Variants in P2RX5 observed in about 807,000 individuals in gnomAD.
The protein encoded by P2RX5 is purinergic receptor P2X 5.
P2RX5 carries 46 observed loss-of-function variants against 54.1 expected under a neutral mutation model. The ratio of observed to expected loss-of-function variants is 0.85; its 90% confidence interval spans 0.67 to 1.09. P2RX5 has a LOEUF of 1.09. Among genes scored for constraint, P2RX5 ranks in the 50% least tolerant of loss-of-function variants. The probability of loss-of-function intolerance (pLI) is 0.00; values close to 1 mark genes in which losing one functional copy is unlikely to be tolerated. For synonymous variants in P2RX5, 226 were observed against 226.4 expected, an observed-to-expected ratio of 1.00 and a Z score of 0.02; for missense variants, 566 against 549.8, an observed-to-expected ratio of 1.03 and a Z score of -0.29.
chr17:3,711,370 C>CTT, the P2RX5 span, among the ~76,000 whole-genome samples: 1,544 of 62,990 alleles, frequency 0.025, 351 homozygotes, highest in East Asian at 0.044. Context: ...AGCACTCATT[C>CTT]TTTTTTTTTT....
the P2RX5 span, chr17:3,714,767 G>T: frequency 3.8e-6 from 3 of 788,576 alleles, no homozygotes; most frequent in Non-Finnish European, 6.5e-6. Context: ...AGATCATCCT[G>T]AAGGAAAAAG....
intron 11 of P2RX5, chr17:3,676,519 T>C (rs962552306): frequency 1.5e-5 from 15 of 985,194 alleles, no homozygotes; most frequent in African/African-American, 7.0e-5. Context: ...CAGCTGAGCA[T>C]ACTGCTGCTT....
chr17:3,711,370 C>CTTTT, the P2RX5 span, among the ~76,000 whole-genome samples: 326 of 63,114 alleles, frequency 5.2e-3, 38 homozygotes, highest in East Asian at 6.0e-3. Context: ...AGCACTCATT[C>CTTTT]TTTTTTTTTT....
chr17:3,719,128 C>T, the P2RX5 span, among the ~76,000 whole-genome samples: 4 of 149,600 alleles, frequency 2.7e-5, no homozygotes, highest in South Asian at 8.5e-4. Context: ...CCCAGCTACT[C>T]GGGAGGCTGA....
At chr17:3,723,244 G>T in the P2RX5 span, 3 of 1,269,442 alleles carry the variant, frequency 2.4e-6, no homozygotes, top group South Asian at 2.4e-5. Flanking sequence ...CGATGCCCGT[G>T]AGCAACTGGA....
chr17:3,712,425 A>T, the P2RX5 span, among the ~76,000 whole-genome samples: 1 of 152,192 alleles, frequency 6.6e-6, no homozygotes, highest in African/African-American at 2.4e-5. Context: ...AAGGCAGAGC[A>T]GCCGGGGCTG....
chr17:3,704,550 G>A, the P2RX5 span, among the ~76,000 whole-genome samples: 77,179 of 152,152 alleles, frequency 0.51, 21,516 homozygotes, highest in South Asian at 0.69. Context: ...CCTCTCTGTG[G>A]GAGGCACTTC....
the P2RX5 span, chr17:3,721,914 T>A: frequency 1.3e-5 from 2 of 151,884 alleles, no homozygotes; most frequent in Admixed American, 1.3e-4. Flanking sequence ...GCGTGGTGGC[T>A]CACGCCTGTA....
At chr17:3,715,017 G>A in the P2RX5 span, 2 of 831,238 alleles carry the variant, frequency 2.4e-6, no homozygotes, top group Non-Finnish European at 4.0e-6. Context: ...CATTCTGGCT[G>A]TTGCCTAAAT....
upstream of P2RX5, chr17:3,696,267 C>T (rs1597278637): frequency 3.6e-6 from 1 of 275,490 alleles, no homozygotes; most frequent in Non-Finnish European, 6.6e-6. Flanking sequence ...GCTACCTCTT[C>T]TTCCTCCTCC....
chr17:3,691,804 G>A lies in P2RX5; in HGVS notation c.138-10C>T. On this transcript the variant is annotated splice_polypyrimidine_tract_variant and intron_variant, in intron 1 of 11. Transcript: ENST00000225328. ...TATCAGGAACACCCATCTGTGGGAAGGGGGCCGGTACGTGGGCATCAGCCA... is the reference window on the plus strand; with the variant it reads ...TATCAGGAACACCCATCTGTGGGAAAGGGGCCGGTACGTGGGCATCAGCCA... 6.2e-7 allele frequency: 1 copy of A among 1,614,064 alleles called. No individual in the cohort carries two copies. The highest frequency in any genetic ancestry group is 8.5e-7 in the Non-Finnish European group (1 of 1,179,978).
intron 9 of P2RX5, chr17:3,682,519 T>G (rs2050312844): frequency 5.4e-6 from 1 of 185,746 alleles, no homozygotes; most frequent in Non-Finnish European, 1.2e-5. Context: ...GCAGGGCCTG[T>G]GCGGGAAGAG....
At chr17:3,706,540 C>T in the P2RX5 span, among the ~76,000 whole-genome samples, 1 of 152,214 alleles carries the variant, frequency 6.6e-6, no homozygotes, top group Non-Finnish European at 1.5e-5. Context: ...ACACACTGAT[C>T]TCATAATTAG....
intron 9 of P2RX5, among the ~76,000 whole-genome samples, chr17:3,684,816 T>G (rs2050389677): frequency 6.7e-6 from 1 of 150,274 alleles, no homozygotes; most frequent in Admixed American, 6.7e-5. Context: ...AGAAACTGTC[T>G]GCAGCCTAAT....
At chr17:3,684,106 C>T (rs552011941) in intron 9 of P2RX5, among the ~76,000 whole-genome samples, 94 of 151,992 alleles carry the variant, frequency 6.2e-4, no homozygotes, top group African/African-American at 2.0e-3. Context: ...CCTTTCCCTG[C>T]CCTCAGTCCC....
the P2RX5 span, among the ~76,000 whole-genome samples, chr17:3,704,288 C>T: frequency 7.2e-5 from 11 of 152,202 alleles, no homozygotes; most frequent in African/African-American, 2.4e-4. Flanking sequence ...GGTCATTCCG[C>T]GATAAGGGGG....
At chr17:3,694,296 T>C (rs1441173166) in intron 1 of P2RX5, among the ~76,000 whole-genome samples, 4 of 149,734 alleles carry the variant, frequency 2.7e-5, no homozygotes, top group African/African-American at 9.9e-5. Flanking sequence ...AATAGGCAAA[T>C]CCATAGAGAC....
intron 1 of P2RX5, 97 bp from the exon 2 acceptor site, chr17:3,691,891 T>A: frequency 7.9e-7 from 1 of 1,268,794 alleles, no homozygotes; most frequent in Non-Finnish European, 1.1e-6. Context: ...CAGCAACTCC[T>A]AGTTGAGGTG....
intron 11 of P2RX5, among the ~76,000 whole-genome samples, chr17:3,674,233 C>T (rs1431832958): frequency 6.6e-6 from 1 of 152,104 alleles, no homozygotes; most frequent in African/African-American, 2.4e-5. Flanking sequence ...ATGGCGTGAA[C>T]CCGGGAGGCG....
Sources: allele counts gnomAD v4.1 joint callset (sites outside exome capture counted in the v4.1 genomes callset), GRCh38; gene constraint gnomAD v4.1.1; transcripts MANE v1.5; gene names NCBI Gene and HGNC (gene_info 2026-07-23, HGNC 2026-07-21).